Variants in DMD observed in about 807,000 individuals in gnomAD.
DMD encodes mutant dystrophin.
A neutral mutation model predicts 330.1 loss-of-function variants in DMD; 63 were observed. The observed-to-expected ratio is 0.19, with a 90% CI of 0.16 to 0.24. The LOEUF is 0.24. Among genes scored for constraint, DMD ranks in the 10% least tolerant of loss-of-function variants. The pLI is 1.00. For synonymous variants in DMD, 1,223 were observed against 959.8 expected, an observed-to-expected ratio of 1.27 and a Z score of -5.07; for missense variants, 3,344 against 2,684.1, an observed-to-expected ratio of 1.25 and a Z score of -5.43.
chrX:31,303,169 G>A (rs2054780991), intron 62 of DMD, among the ~76,000 whole-genome samples: 1 of 111,010 alleles, frequency 9.0e-6, no homozygotes, highest in African/African-American at 3.3e-5. Flanking sequence ...TATTGCACCT[G>A]TACTTCAAAA....
At chrX:31,361,468 T>C (rs1215248748) in intron 60 of DMD, among the ~76,000 whole-genome samples, 1 of 111,066 alleles carries the variant, frequency 9.0e-6, no homozygotes, top group Non-Finnish European at 1.9e-5. Flanking sequence ...GAACTGATAG[T>C]CTCTGTGTTA....
intron 55 of DMD, among the ~76,000 whole-genome samples, chrX:31,556,686 G>A (rs982311977): frequency 1.8e-5 from 2 of 110,832 alleles, no homozygotes; most frequent in Non-Finnish European, 3.8e-5. Flanking sequence ...TCACACGTTC[G>A]TTCCAAAAAT....
chrX:32,074,083 A>T, intron 44 of DMD, among the ~76,000 whole-genome samples: 1 of 111,702 alleles, frequency 9.0e-6, no homozygotes. Flanking sequence ...TCATTTTATA[A>T]ATAAGAAAAA....
rs764241211 is a variant in DMD at position 31,385,939 on chromosome X, C to T, written c.9085-37305G>A. 6.1e-4 allele frequency among the ~76,000 whole-genome samples: 68 copies of T among 111,976 alleles called. 2 individuals carry two copies. The highest frequency in any genetic ancestry group is 1.9e-3 in the African/African-American group (57 of 30,789). Reference sequence around the variant, plus strand: ...GACACATGCACACGTATGTTTATTGCGGCACTGTTCACAATAGCAAAGATT... The same window carrying T: ...GACACATGCACACGTATGTTTATTGTGGCACTGTTCACAATAGCAAAGATT... On this transcript the variant is annotated intron_variant, in intron 60 of 78. Coordinates refer to ENST00000357033, the MANE Select transcript of DMD (RefSeq NM_004006.3).
chrX:32,876,133 T>A (rs1248066297), intron 2 of DMD, among the ~76,000 whole-genome samples: 2 of 111,597 alleles, frequency 1.8e-5, no homozygotes, highest in Non-Finnish European at 3.8e-5. Flanking sequence ...CACTTCCCCA[T>A]CATAGTTTTG....
intron 50 of DMD, among the ~76,000 whole-genome samples, chrX:31,775,781 G>C: frequency 9.0e-6 from 1 of 111,723 alleles, no homozygotes; most frequent in Non-Finnish European, 1.9e-5. Flanking sequence ...CTCCTCATTA[G>C]AGAAGAAGAT....
At chrX:31,152,233 C>T (rs928409394) in intron 74 of DMD, among the ~76,000 whole-genome samples, 3 of 106,857 alleles carry the variant, frequency 2.8e-5, no homozygotes, top group Admixed American at 9.9e-5. Context: ...GCACGATCTC[C>T]GCTCACTGCA....
intron 60 of DMD, among the ~76,000 whole-genome samples, chrX:31,388,128 T>C (rs1602396022): frequency 9.2e-6 from 1 of 108,209 alleles, no homozygotes; most frequent in Admixed American, 9.9e-5. Context: ...GCCTCCCGAG[T>C]AGCTGGGACT....
chrX:32,568,511 A>AG (rs2052019122), intron 15 of DMD, among the ~76,000 whole-genome samples: 1 of 108,254 alleles, frequency 9.2e-6, no homozygotes, highest in East Asian at 2.9e-4. Flanking sequence ...CATCTCAAGA[A>AG]AAAAAAAAAA....
At chrX:32,712,649 C>A (rs1325109845) in intron 7 of DMD, among the ~76,000 whole-genome samples, 1 of 110,965 alleles carries the variant, frequency 9.0e-6, no homozygotes, top group Non-Finnish European at 1.9e-5. Context: ...TAATATGTAG[C>A]CACTTTTAAA....
chrX:31,815,218 G>A (rs1485212412), intron 50 of DMD, among the ~76,000 whole-genome samples: 2 of 112,286 alleles, frequency 1.8e-5, no homozygotes, highest in African/African-American at 6.5e-5. Context: ...GGGAGGCTGA[G>A]GCAGGTGGAT....
At chrX:33,009,815 C>T (rs1262228543) in intron 2 of DMD, among the ~76,000 whole-genome samples, 1 of 14,505 alleles carries the variant, frequency 6.9e-5, no homozygotes, top group African/African-American at 2.0e-4. Context: ...TATATACACA[C>T]ATATGTGTAT....
chrX:32,281,127 G>T (rs2097419336), intron 43 of DMD, among the ~76,000 whole-genome samples: 3 of 112,321 alleles, frequency 2.7e-5, no homozygotes, highest in Non-Finnish European at 3.8e-5. Flanking sequence ...GAACAATGGA[G>T]AAATCCCTGG....
At chrX:31,357,378 G>GAAA (rs765192328) in intron 60 of DMD, among the ~76,000 whole-genome samples, 14 of 81,316 alleles carry the variant, frequency 1.7e-4, no homozygotes, top group African/African-American at 6.4e-4. Context: ...GGTATTGTCC[G>GAAA]AAAAAAAAAA....
At chrX:31,849,084 T>C (rs1245867831) in intron 48 of DMD, among the ~76,000 whole-genome samples, 1 of 110,701 alleles carries the variant, frequency 9.0e-6, no homozygotes, top group Non-Finnish European at 1.9e-5. Flanking sequence ...TCCTTTCTTG[T>C]ACTCAATTTC....
intron 44 of DMD, among the ~76,000 whole-genome samples, chrX:32,209,330 G>A (rs1383674472): frequency 4.5e-5 from 5 of 110,781 alleles, no homozygotes; most frequent in Non-Finnish European, 9.5e-5. Context: ...ATATATAAAG[G>A]GAAGTGTACA....
chrX:32,482,408 ATCTTTTGTGACTGGCTTCTTTCACTC>A (rs1315678600), intron 21 of DMD, among the ~76,000 whole-genome samples: 1 of 111,635 alleles, frequency 9.0e-6, no homozygotes, highest in Non-Finnish European at 1.9e-5. Flanking sequence ...ATAACATATG[ATCTTTTGTGACTGGCTTCTTTCACTC>A]AGCATAATGT....
intron 1 of DMD, among the ~76,000 whole-genome samples, chrX:33,105,647 A>G (rs1038919330): frequency 5.3e-5 from 6 of 112,409 alleles, no homozygotes; most frequent in Non-Finnish European, 5.6e-5. Flanking sequence ...GAAGATATAC[A>G]AATGATCAAC....
chrX:32,708,794 G>T (rs913959865), intron 7 of DMD, among the ~76,000 whole-genome samples: 1 of 111,612 alleles, frequency 9.0e-6, no homozygotes, highest in African/African-American at 3.3e-5. Context: ...ATTTATGTGG[G>T]ATGGTGTCAT....
Sources: gnomAD v4.1 joint callset for allele counts (sites outside exome capture counted in the v4.1 genomes callset) on GRCh38, gnomAD v4.1.1 for gene constraint, MANE v1.5 for transcripts, NCBI Gene and HGNC (gene_info 2026-07-23, HGNC 2026-07-21) for gene names.